The following PPP4R3B variants were observed in gnomAD, a reference collection of about 807,000 sequenced individuals.
PPP4R3B encodes serine/threonine-protein phosphatase 4 regulatory subunit 3B.
Under a neutral mutation model 95.4 loss-of-function variants are expected in PPP4R3B, and 52 were observed. The ratio of observed to expected loss-of-function variants is 0.54; its 90% CI spans 0.44 to 0.69. The LOEUF (loss-of-function observed/expected upper bound fraction) is 0.69, where lower values mean the gene tolerates loss of function less well. Ranked by LOEUF, PPP4R3B falls within the 30% of genes least tolerant of loss-of-function variation. The pLI is 0.00. For missense variants in PPP4R3B, 1,003 were observed against 1,005.9 expected, an observed-to-expected ratio of 1.00 and a Z score of 0.04; for synonymous variants, 407 against 343.9, an observed-to-expected ratio of 1.18 and a Z score of -2.03.
At chr2:55,612,280 C>A (rs190975247) in intron 2 of PPP4R3B, among the ~76,000 whole-genome samples, 1 of 152,244 alleles carries the variant, frequency 6.6e-6, no homozygotes, top group Non-Finnish European at 1.5e-5. Flanking sequence ...GAACAACAGA[C>A]TTCATGTGAT....
In PPP4R3B at chr2:55,600,783, T is replaced by C. The variant is rs1399913216; in HGVS notation, c.298-1744A>G. Among the ~76,000 whole-genome samples the C allele has an allele frequency of 2.7e-5, 4 of 149,850 alleles. No individual in the cohort carries two copies. In the East Asian group the frequency reaches 5.9e-4, roughly 22 times the overall value. ...AAAAAAATAAAATTTAAAAAAACAA[T>C]GACAAATGGAAAGGAGAAACAGTAA... On this transcript the variant is annotated intron_variant, in intron 3 of 16. Transcript: ENST00000616407.
At chr2:55,561,507 G>C (rs1329070523) in intron 15 of PPP4R3B, among the ~76,000 whole-genome samples, 1 of 152,186 alleles carries the variant, frequency 6.6e-6, no homozygotes, top group Admixed American at 6.5e-5. Context: ...CATGCACCTG[G>C]AAAAGCCACA....
intron 10 of PPP4R3B, among the ~76,000 whole-genome samples, chr2:55,578,044 A>G (rs1688927743): frequency 6.6e-6 from 1 of 152,148 alleles, no homozygotes. Context: ...TAAGAACTCT[A>G]TTTCAATATG....
intron 7 of PPP4R3B, among the ~76,000 whole-genome samples, chr2:55,583,957 G>C (rs868088681): frequency 6.6e-6 from 1 of 152,126 alleles, no homozygotes; most frequent in Non-Finnish European, 1.5e-5. Flanking sequence ...TTTAATCCCA[G>C]CACTTTAGGA....
chr2:55,558,290 T>C (rs1456980660), intron 16 of PPP4R3B, among the ~76,000 whole-genome samples: 1 of 152,190 alleles, frequency 6.6e-6, no homozygotes, highest in Non-Finnish European at 1.5e-5. Context: ...ACTTAAGTGC[T>C]CCAAAATAGA....
At chr2:55,616,944 G>C (rs990190017) in intron 1 of PPP4R3B, among the ~76,000 whole-genome samples, 200 bp downstream of exon 1, 8 of 152,082 alleles carry the variant, frequency 5.3e-5, no homozygotes, top group Admixed American at 1.3e-4. Context: ...AGAGAGATGG[G>C]AGAAGGACAG....
intron 16 of PPP4R3B, among the ~76,000 whole-genome samples, chr2:55,552,836 C>CA (rs1685400746): frequency 6.6e-6 from 1 of 152,152 alleles, no homozygotes; most frequent in African/African-American, 2.4e-5. Flanking sequence ...AAAGAGAAAT[C>CA]AGAGGCAAGG....
chr2:55,577,905 G>C (rs577881190), intron 10 of PPP4R3B, among the ~76,000 whole-genome samples: 1 of 151,998 alleles, frequency 6.6e-6, no homozygotes, highest in African/African-American at 2.4e-5. Flanking sequence ...ATGTGCACAG[G>C]GAAACACAAG....
chr2:55,577,431 T>C, intron 10 of PPP4R3B, 75 bp from the exon 11 acceptor site: 9 of 1,271,664 alleles, frequency 7.1e-6, no homozygotes, highest in Non-Finnish European at 9.1e-6. Context: ...CTTTATAATA[T>C]ACAATGCATG....
At chr2:55,599,103 T>A (rs1692206481) in intron 3 of PPP4R3B, 64 bp from the exon 4 acceptor site, 1 of 1,421,144 alleles carries the variant, frequency 7.0e-7, no homozygotes, top group Admixed American at 2.5e-5. Flanking sequence ...ATTTTGGAAA[T>A]CAAATCATTT....
intron 12 of PPP4R3B, among the ~76,000 whole-genome samples, chr2:55,572,885 A>G (rs368918177): frequency 1.3e-5 from 2 of 152,180 alleles, no homozygotes; most frequent in East Asian, 3.8e-4. Context: ...ATCTCCAGGA[A>G]TAAAATTAGT....
chr2:55,597,104 G>A (rs1286560017), intron 4 of PPP4R3B, among the ~76,000 whole-genome samples: 2 of 152,136 alleles, frequency 1.3e-5, no homozygotes, highest in African/African-American at 4.8e-5. Context: ...TTTCTGTTTG[G>A]GATGATGAAA....
At chr2:55,609,657 G>C (rs558417965) in intron 2 of PPP4R3B, among the ~76,000 whole-genome samples, 40 of 136,704 alleles carry the variant, frequency 2.9e-4, no homozygotes, top group Middle Eastern at 8.6e-3. Context: ...AACAAAGCAA[G>C]ACTGTGTCTC....
intron 13 of PPP4R3B, among the ~76,000 whole-genome samples, chr2:55,566,128 T>C (rs1009192231): frequency 2.0e-5 from 3 of 152,078 alleles, no homozygotes; most frequent in Admixed American, 1.3e-4. Context: ...TAACACTACA[T>C]AGTAAGAAAC....
chr2:55,599,807 A>C (rs1692297014), intron 3 of PPP4R3B, among the ~76,000 whole-genome samples: 1 of 149,228 alleles, frequency 6.7e-6, no homozygotes, highest in East Asian at 2.1e-4. Context: ...TTCACCTTTA[A>C]GTCTCAGAAG....
rs1281186782 is a variant in PPP4R3B, at chr2:55,548,917, CAGAAA to C, written c.*989_*993del. 1 of 152,578 alleles carries C rather than the reference CAGAAA, an allele frequency of 6.6e-6. No homozygotes were observed. Among genetic ancestry groups the C allele is most frequent in the Admixed American group, 6.5e-5 (1 of 15,276 alleles). 9.5% of individuals were successfully genotyped at this position (152,578 alleles called of 1,614,324 possible). On this transcript the variant is annotated 3_prime_UTR_variant, in exon 17 of 17. Transcript: ENST00000616407. ...AGCTTTCATATCACACCCTTGTTTA[CAGAAA>C]AGCTACATGTGCTGCATGCTGACTT...
rs1280262140 is a variant in PPP4R3B at position 55,568,324 on chromosome 2, T to C, written c.1805A>G (p.Asp602Gly). 6.2e-7 allele frequency: 1 copy of C among 1,605,890 alleles called. No homozygotes were observed. Among genetic ancestry groups the C allele is most frequent in the South Asian group, 1.1e-5 (1 of 88,728 alleles). Reference sequence around the variant, plus strand: ...GGTGATGTAACGATTATAAAATTCATCTTTAAGTCCAATTATCCGCCTCAT... The same window carrying C: ...GGTGATGTAACGATTATAAAATTCACCTTTAAGTCCAATTATCCGCCTCAT... ...RFMRRIIGLKDEFYNRYITKG... is the reference protein window; with the variant it reads ...RFMRRIIGLKGEFYNRYITKG... Residue 602 changes from aspartate to glycine, a missense_variant, in exon 13 of 17, where the codon GAT becomes GGT. Around this residue, in one of 3 missense-constraint regions of PPP4R3B, gnomAD observed 79 missense variants for 124.9 expected, o/e 0.63. Transcript: ENST00000616407.
At chr2:55,595,017 C>A (rs1321698099) in intron 4 of PPP4R3B, among the ~76,000 whole-genome samples, 2 of 151,374 alleles carry the variant, frequency 1.3e-5, no homozygotes, top group African/African-American at 4.9e-5. Flanking sequence ...GTATCAGGAC[C>A]CTTTTAAACT....
chr2:55,550,968 G>A (rs369480551), intron 16 of PPP4R3B, among the ~76,000 whole-genome samples: 1 of 152,100 alleles, frequency 6.6e-6, no homozygotes, highest in Non-Finnish European at 1.5e-5. Flanking sequence ...GGATATGCAA[G>A]AAGCAATATG....
Sources: gnomAD v4.1 joint callset for allele counts (sites outside exome capture counted in the v4.1 genomes callset) on GRCh38, gnomAD v4.1.1 for gene constraint, gnomAD v4.1.1 regional missense constraint, MANE v1.5 for transcripts, NCBI Gene and HGNC (gene_info 2026-07-23, HGNC 2026-07-21) for gene names.